ATPAF1: variants seen among roughly 807,000 people sequenced by gnomAD.
ATPAF1 encodes ATP synthase mitochondrial F1 complex assembly factor 1, also known as homolog of yeast ATP11.
ATPAF1 carries 26 observed loss-of-function variants against 43.9 expected under a neutral mutation model. The observed-to-expected ratio is 0.59, with a 90% CI of 0.43 to 0.82. The LOEUF (loss-of-function observed/expected upper bound fraction) is 0.82, where lower values mean the gene tolerates loss of function less well. Among genes scored for constraint, ATPAF1 ranks in the 40% least tolerant of loss-of-function variants. The pLI, the probability that ATPAF1 is intolerant of heterozygous loss-of-function variation, is 0.00. For synonymous variants in ATPAF1, 157 were observed against 168.0 expected, an observed-to-expected ratio of 0.93 and a Z score of 0.50; for missense variants, 366 against 435.0, an observed-to-expected ratio of 0.84 and a Z score of 1.41.
At chr1:46,643,391 G>A in intron 7 of ATPAF1, 90 bp from the exon 8 acceptor site, 1 of 1,042,856 alleles carries the variant, frequency 9.6e-7, no homozygotes, top group South Asian at 1.5e-5. Flanking sequence ...AGGAAATTCT[G>A]GCTCTTAACA....
At chr1:46,667,231 G>T (rs986612200) in intron 1 of ATPAF1, among the ~76,000 whole-genome samples, 1 of 152,054 alleles carries the variant, frequency 6.6e-6, no homozygotes, top group African/African-American at 2.4e-5. Context: ...GATTAAGGCA[G>T]TGGAAGTAGA....
exon 6 of ATPAF1, chr1:46,652,628 C>T (rs368299807): frequency 2.7e-4 from 433 of 1,612,436 alleles, no homozygotes; most frequent in Non-Finnish European, 3.6e-4. Flanking sequence ...AACTTTTCTG[C>T]CTGTAGGTTG....
chr1:46,657,157 G>T (rs1297352265), intron 4 of ATPAF1, among the ~76,000 whole-genome samples: 1 of 152,114 alleles, frequency 6.6e-6, no homozygotes, highest in Admixed American at 6.6e-5. Context: ...TCACGGGGTG[G>T]TTAAGAGAAT....
intron 8 of ATPAF1, among the ~76,000 whole-genome samples, chr1:46,640,582 T>C (rs1462407156): frequency 1.3e-5 from 2 of 152,114 alleles, no homozygotes; most frequent in Non-Finnish European, 2.9e-5. Flanking sequence ...TGCAGTGAGC[T>C]GAGATTGTGC....
intron 7 of ATPAF1, among the ~76,000 whole-genome samples, chr1:46,644,814 G>C (rs961720967): frequency 4.6e-5 from 7 of 152,100 alleles, no homozygotes; most frequent in African/African-American, 1.4e-4. Flanking sequence ...TTAAGACTTG[G>C]AGCTTTCCTC....
intron 2 of ATPAF1, among the ~76,000 whole-genome samples, chr1:46,662,894 T>C (rs1676418496): frequency 6.6e-6 from 1 of 152,172 alleles, no homozygotes; most frequent in Admixed American, 6.5e-5. Flanking sequence ...AACTCGTCAT[T>C]TAACATTAGG....
intron 2 of ATPAF1, among the ~76,000 whole-genome samples, chr1:46,658,946 C>T (rs1475738855): frequency 1.3e-5 from 2 of 152,126 alleles, no homozygotes; most frequent in African/African-American, 4.8e-5. Flanking sequence ...AATCCCAGCA[C>T]TTTGGGAAGC....
intron 6 of ATPAF1, among the ~76,000 whole-genome samples, chr1:46,648,816 T>C (rs1676105982): frequency 1.3e-5 from 2 of 151,926 alleles, no homozygotes; most frequent in Admixed American, 1.3e-4. Flanking sequence ...CTGTCTCTAC[T>C]AAAAACATAA....
chr1:46,636,035 G>A, intron 8 of ATPAF1, 65 bp from the exon 9 acceptor site: 1 of 1,570,600 alleles, frequency 6.4e-7, no homozygotes. Context: ...TGTCTGAATT[G>A]TGTGGTGGGT....
At chr1:46,642,671 A>C (rs946320) in intron 8 of ATPAF1, among the ~76,000 whole-genome samples, 1 of 152,090 alleles carries the variant, frequency 6.6e-6, no homozygotes, top group Non-Finnish European at 1.5e-5. Context: ...ACTCTTCCCT[A>C]TAATTAAGAA....
intron 2 of ATPAF1, among the ~76,000 whole-genome samples, chr1:46,659,698 C>T (rs191011731): frequency 1.3e-5 from 2 of 152,280 alleles, no homozygotes; most frequent in Non-Finnish European, 2.9e-5. Context: ...CTGAGTCTTC[C>T]ACTCAAGGCT....
At chr1:46,642,366 T>G (rs1569597097) in intron 8 of ATPAF1, among the ~76,000 whole-genome samples, 1 of 152,206 alleles carries the variant, frequency 6.6e-6, no homozygotes, top group Non-Finnish European at 1.5e-5. Context: ...AAGTGTCCAC[T>G]GTTTGGGGAC....
At chr1:46,646,745 T>C (rs1676051534) in intron 6 of ATPAF1, among the ~76,000 whole-genome samples, 1 of 152,196 alleles carries the variant, frequency 6.6e-6, no homozygotes, top group Admixed American at 6.5e-5. Flanking sequence ...AAGTATACAA[T>C]TTGATGAGTG....
At chr1:46,659,607 T>G (rs1221704010) in intron 2 of ATPAF1, among the ~76,000 whole-genome samples, 1 of 152,174 alleles carries the variant, frequency 6.6e-6, no homozygotes, top group Non-Finnish European at 1.5e-5. Context: ...GATTATTTTG[T>G]CTCGTAGCCA....
chr1:46,634,075 ACTAT>A (rs1675794331), downstream of ATPAF1: 1 of 346,658 alleles, frequency 2.9e-6, no homozygotes, highest in Admixed American at 4.1e-5. Context: ...TTAAAAAAAT[ACTAT>A]CTGTCTCTCT....
intron 2 of ATPAF1, among the ~76,000 whole-genome samples, chr1:46,662,520 A>G (rs1676410136): frequency 2.0e-5 from 3 of 148,404 alleles, no homozygotes; most frequent in African/African-American, 2.5e-5. Context: ...TCCGCCTCCC[A>G]GGTTCAAGCG....
intron 4 of ATPAF1, among the ~76,000 whole-genome samples, chr1:46,656,580 C>G (rs956578120): frequency 1.3e-5 from 2 of 152,188 alleles, no homozygotes; most frequent in African/African-American, 4.8e-5. Context: ...TATTAGCAGA[C>G]AGTTTATGAA....
intron 6 of ATPAF1, 99 bp from the exon 7 acceptor site, chr1:46,645,355 G>A: frequency 2.0e-6 from 2 of 1,019,968 alleles, no homozygotes; most frequent in Non-Finnish European, 3.0e-6. Flanking sequence ...TCCATATTTG[G>A]TTTTTAAAAT....
chr1:46,636,368 G>A (rs193197947), intron 8 of ATPAF1, among the ~76,000 whole-genome samples: 5 of 152,226 alleles, frequency 3.3e-5, no homozygotes, highest in Admixed American at 2.0e-4. Flanking sequence ...ATATTTCAAG[G>A]GGGGAATAAG....
Sources: gnomAD v4.1 joint callset for allele counts (sites outside exome capture counted in the v4.1 genomes callset) on GRCh38, gnomAD v4.1.1 for gene constraint, MANE v1.5 for transcripts, NCBI Gene and HGNC (gene_info 2026-07-23, HGNC 2026-07-21) for gene names.